Variants in BAZ2A observed in about 807,000 individuals in gnomAD.
BAZ2A encodes the protein bromodomain adjacent to zinc finger domain 2A.
A neutral mutation model predicts 199.9 loss-of-function variants in BAZ2A; 34 were observed. The observed-to-expected ratio is 0.17, with a 90% confidence interval of 0.13 to 0.23. BAZ2A has a LOEUF of 0.23. Among genes scored for constraint, BAZ2A ranks in the 10% least tolerant of loss-of-function variants. The pLI is 1.00. For missense variants in BAZ2A, 2,002 were observed against 2,391.1 expected (o/e 0.84, Z 3.39); for synonymous variants, 857 against 883.9 (o/e 0.97, Z 0.54).
Position 56,610,391 on chromosome 12 carries a change from T to TA in BAZ2A, c.1779+17dup, listed in dbSNP as rs753586938. The TA allele has an allele frequency of 1.9e-6, 3 of 1,611,504 alleles. No homozygotes were observed. Among genetic ancestry groups the TA allele is most frequent in the Admixed American group, 1.7e-5 (1 of 59,598 alleles). On this transcript the variant is annotated intron_variant, in intron 8 of 28. Coordinates refer to ENST00000549884, the MANE Select transcript of BAZ2A (RefSeq NM_001300905.2). ...CACTGAGCCCAAGAAAGCAGTCCTT[T>TA]AAAAAAAGCTACATTACCTTGATCA...
Position 56,599,716 on chromosome 12 carries a change from C to T in BAZ2A, c.5158G>A (p.Val1720Ile), listed in dbSNP as rs763614573. 1.7e-5 allele frequency: 27 copies of T among 1,613,684 alleles called. No homozygotes were observed. Among genetic ancestry groups the T allele is most frequent in the South Asian group, 7.7e-5 (7 of 91,072 alleles). Residue 1720 changes from valine (V) to isoleucine (I), a missense_variant, in exon 26 of 29, where the codon GTC becomes ATC. Val to Ile is a conservative substitution (Grantham distance 29). This residue lies in a region of BAZ2A where 122 missense variants were observed against 123.0 expected (regional missense o/e 0.99). Coordinates refer to ENST00000549884, the MANE Select transcript of BAZ2A (RefSeq NM_001300905.2). The part of the protein sequence containing the change: ...AVPEGDWFCT[V>I]CLAQQVEGEF... The stretch of plus-strand genomic sequence containing the variant: ...AGAAGCCTTACCTGAGCCAAACAGA[C>T]AGTACAGAACCAATCTCCTTCTGGG...
At chr12:56,628,072 C>G (rs573651306) in intron 1 of BAZ2A, among the ~76,000 whole-genome samples, 1 of 147,364 alleles carries the variant, frequency 6.8e-6, no homozygotes, top group Non-Finnish European at 1.5e-5. Context: ...ATCCCAGCTA[C>G]TCGGGAGGCT....
In BAZ2A at chr12:56,606,270, T is replaced by G; in HGVS notation, c.2236A>C (p.Lys746Gln). The change falls in exon 12 of 29, where the codon AAG becomes CAG. Residue 746 changes from lysine (K) to glutamine (Q), a missense_variant. Lys to Gln is a moderately conservative substitution (Grantham distance 53). Transcript: ENST00000549884. ...RKQETKSLKQKEAKKKSKAEK... is the reference protein window; with the variant it reads ...RKQETKSLKQQEAKKKSKAEK... Reference sequence around the variant, plus strand: ...ACCTTGGATTTCTTCTTAGCTTCCTTCTGCTTTAAGCTCTTGGTCTCTTGT... The same window carrying G: ...ACCTTGGATTTCTTCTTAGCTTCCTGCTGCTTTAAGCTCTTGGTCTCTTGT... The G allele has an allele frequency of 1.9e-6, 3 of 1,614,040 alleles. No homozygotes were observed. Among genetic ancestry groups the G allele is most frequent in the Non-Finnish European group, 2.5e-6 (3 of 1,179,894 alleles).
chr12:56,626,838 G>C (rs1017207511), intron 1 of BAZ2A, among the ~76,000 whole-genome samples: 1 of 152,206 alleles, frequency 6.6e-6, no homozygotes, highest in Non-Finnish European at 1.5e-5. Flanking sequence ...GTAAGCAAAG[G>C]CTGAAGAAAG....
intron 1 of BAZ2A, among the ~76,000 whole-genome samples, chr12:56,624,331 C>T (rs1231962767): frequency 6.6e-6 from 1 of 152,120 alleles, no homozygotes; most frequent in Non-Finnish European, 1.5e-5. Flanking sequence ...GAGGGGGCTA[C>T]TCAAAGAAAA....
chr12:56,604,328 C>A (rs1241905846), intron 15 of BAZ2A, 37 bp from the exon 16 acceptor site: 6 of 1,566,878 alleles, frequency 3.8e-6, no homozygotes, highest in Admixed American at 1.9e-5. Context: ...AGTGGCAGCA[C>A]AAAAAAAGGG....
At position 56,604,199 on chromosome 12, in the gene BAZ2A, T is replaced by G; in HGVS notation, c.3038+18A>C. The G allele has an allele frequency of 6.3e-7, 1 of 1,594,778 alleles. No individual in the cohort carries two copies. Among genetic ancestry groups the G allele is most frequent in the South Asian group, 1.1e-5 (1 of 88,250 alleles). ...ACTTCTCTCCTCTCTGAGGCTCTAC[T>G]CTCTGTCTGGTCCCTACCTCCGGAG... On this transcript the variant is annotated intron_variant, in intron 16 of 28. Transcript: ENST00000549884.
chr12:56,604,908 G>A, intron 14 of BAZ2A, 109 bp from the exon 15 acceptor site: 1 of 1,358,682 alleles, frequency 7.4e-7, no homozygotes, highest in Non-Finnish European at 9.9e-7. Context: ...GGTTAAGACA[G>A]AATACGAAAG....
chr12:56,614,375 A>G (rs1276940194), intron 3 of BAZ2A: 3 of 448,802 alleles, frequency 6.7e-6, no homozygotes, highest in Non-Finnish European at 1.2e-5. Flanking sequence ...CAACATCTCT[A>G]TCATGTTCTC....
At chr12:56,621,293 TAAC>T (rs1459215704) in intron 1 of BAZ2A, 32 of 971,526 alleles carry the variant, frequency 3.3e-5, no homozygotes, top group Admixed American at 1.2e-4. Context: ...TAAATATTAA[TAAC>T]AACATGTCGA....
Position 56,605,337 on chromosome 12 carries a change from G to A in BAZ2A, c.2494-10C>T. The A allele has an allele frequency of 6.3e-7, 1 of 1,599,810 alleles. No individual in the cohort carries two copies. Among genetic ancestry groups the A allele is most frequent in the Non-Finnish European group, 8.5e-7 (1 of 1,169,836 alleles). Reference sequence around the variant, plus strand: ...AGAAGTCAGGCAGGGGCTAGAGAGAGAAAAGTGAGTAGAGAGTTCTGTTAA... The same window carrying A: ...AGAAGTCAGGCAGGGGCTAGAGAGAAAAAAGTGAGTAGAGAGTTCTGTTAA... On this transcript the variant is annotated splice_polypyrimidine_tract_variant and intron_variant, in intron 13 of 28. Coordinates refer to ENST00000549884, the MANE Select transcript of BAZ2A (RefSeq NM_001300905.2).
Position 56,610,417 on chromosome 12 carries a change from C to T in BAZ2A, c.1771G>A (p.Val591Met), listed in dbSNP as rs780730268. ...CGKRMKQFPE[V>M]IKYLSRNVVH... ...AAAAAAAGCTACATTACCTTGATCA[C>T]TTCTGGAAATTGCTTCATCCTCTTC... Residue 591 changes from valine to methionine, a missense_variant, in exon 8 of 29, where the codon GTG (valine) becomes ATG (methionine). Val to Met is a conservative substitution (Grantham distance 21, BLOSUM62 1). Coordinates refer to ENST00000549884, the MANE Select transcript of BAZ2A (RefSeq NM_001300905.2). 1 of 1,613,646 alleles carries T rather than the reference C, an allele frequency of 6.2e-7. No homozygotes were observed. The highest frequency in any genetic ancestry group is 8.5e-7 in the Non-Finnish European group (1 of 1,179,788).
chr12:56,604,246 G>A lies in BAZ2A; in HGVS notation c.3009C>T (p.Asn1003=). 6.2e-7 allele frequency: 1 copy of A among 1,608,560 alleles called. No homozygotes were observed. The highest frequency in any genetic ancestry group is 8.5e-7 in the Non-Finnish European group (1 of 1,177,326). The part of the protein sequence containing the change: ...TLESMSSYRK[N]KWIVEGRLRR... ...GGAGCCGGCCTTCAACAATCCACTT[G>A]TTTTTCCTGTAGCTGGACATACTCT... Residue 1003 remains asparagine (N), a synonymous_variant, in exon 16 of 29, where the codon AAC becomes AAT. Coordinates refer to ENST00000549884, the MANE Select transcript of BAZ2A (RefSeq NM_001300905.2).
chr12:56,628,642 C>A (rs998892034), intron 1 of BAZ2A, among the ~76,000 whole-genome samples: 2 of 152,190 alleles, frequency 1.3e-5, no homozygotes, highest in African/African-American at 2.4e-5. Flanking sequence ...GTCCCTACCC[C>A]CGACACACAA....
intron 1 of BAZ2A, among the ~76,000 whole-genome samples, chr12:56,628,177 C>CAAAAAAAAAAA (rs57372528): frequency 3.5e-5 from 1 of 28,392 alleles, no homozygotes; most frequent in Non-Finnish European, 6.9e-5. Flanking sequence ...AACTCCGTCT[C>CAAAAAAAAAAA]AAAAAAAAAA....
At chr12:56,602,233 C>A in intron 19 of BAZ2A, 41 bp from the exon 20 acceptor site, 1 of 1,489,250 alleles carries the variant, frequency 6.7e-7, no homozygotes, top group East Asian at 2.5e-5. Context: ...TGCTGACATA[C>A]AAGGGAAAAG....
intron 1 of BAZ2A, among the ~76,000 whole-genome samples, chr12:56,624,797 C>T (rs779512350): frequency 6.6e-6 from 1 of 152,096 alleles, no homozygotes; most frequent in Non-Finnish European, 1.5e-5. Flanking sequence ...TGGCATATGC[C>T]TGTAGTGCCA....
At chr12:56,606,450 C>T in intron 11 of BAZ2A, 138 bp from the exon 12 acceptor site, 1 of 1,199,774 alleles carries the variant, frequency 8.3e-7, no homozygotes, top group Non-Finnish European at 1.2e-6. Flanking sequence ...TTAATTCTCT[C>T]ACCCTAGAGA....
rs781764143 is a variant in BAZ2A, at chr12:56,606,233, G to A, written c.2259+14C>T. The A allele has an allele frequency of 1.7e-5, 28 of 1,613,778 alleles. No individual in the cohort carries two copies. Among genetic ancestry groups the A allele is most frequent in the Non-Finnish European group, 2.2e-5 (26 of 1,179,790 alleles). The stretch of plus-strand genomic sequence containing the variant: ...CTTCGAAATTATACTTGGCAAGTTT[G>A]TACATGCACCTACCTTGGATTTCTT... On this transcript the variant is annotated intron_variant, in intron 12 of 28. Transcript: ENST00000549884.
Sources: allele counts gnomAD v4.1 joint callset (sites outside exome capture counted in the v4.1 genomes callset), GRCh38; gene constraint gnomAD v4.1.1; regional missense constraint gnomAD v4.1.1; transcripts MANE v1.5; gene names NCBI Gene and HGNC (gene_info 2026-07-23, HGNC 2026-07-21).